CLEC2L: variants seen among roughly 807,000 people sequenced by gnomAD.
CLEC2L encodes C-type lectin domain family 2, member L.
CLEC2L carries 14 observed loss-of-function variants against 23.6 expected under a neutral mutation model. The observed-to-expected ratio is 0.59, with a 90% CI of 0.39 to 0.93. The LOEUF (loss-of-function observed/expected upper bound fraction) is 0.93. Among genes scored for constraint, CLEC2L ranks in the 40% least tolerant of loss-of-function variants. CLEC2L has a pLI of 0.00. For synonymous variants in CLEC2L, 114 were observed against 121.3 expected (o/e 0.94, Z 0.40); for missense variants, 264 against 282.4 (o/e 0.93, Z 0.47).
chr7:139,526,243 C>T (rs966405351), intron 1 of CLEC2L, among the ~76,000 whole-genome samples: 14 of 152,080 alleles, frequency 9.2e-5, no homozygotes, highest in African/African-American at 3.1e-4. Context: ...TGAGAGGAGA[C>T]AGAGGGAAAG....
At chr7:139,531,688 C>A (rs1358048495) in intron 1 of CLEC2L, among the ~76,000 whole-genome samples, 1 of 152,104 alleles carries the variant, frequency 6.6e-6, no homozygotes, top group Admixed American at 6.6e-5. Context: ...GCGGGTGGAT[C>A]ACCTGAGGTC....
intron 1 of CLEC2L, among the ~76,000 whole-genome samples, chr7:139,526,877 C>G (rs1026192463): frequency 6.6e-6 from 1 of 152,332 alleles, no homozygotes; most frequent in African/African-American, 2.4e-5. Context: ...ATTCTGCTTC[C>G]CACCCCAAAC....
At chr7:139,524,222 A>AGCGCTGGGAGCGCG in intron 1 of CLEC2L, 105 bp downstream of exon 1, 1 of 975,482 alleles carries the variant, frequency 1.0e-6, no homozygotes, top group Non-Finnish European at 1.2e-6. Context: ...CCCGGAGGGG[A>AGCGCTGGGAGCGCG]GCGCTGGGAG....
chr7:139,535,714 GGAAGT>G (rs1797643887), intron 1 of CLEC2L, among the ~76,000 whole-genome samples: 1 of 151,906 alleles, frequency 6.6e-6, no homozygotes, highest in East Asian at 1.9e-4. Context: ...GTGAATTTTA[GGAAGT>G]ATCTGTGGAG....
chr7:139,524,619 C>T (rs1797480309), intron 1 of CLEC2L, among the ~76,000 whole-genome samples: 1 of 152,156 alleles, frequency 6.6e-6, no homozygotes, highest in Admixed American at 6.5e-5. Flanking sequence ...AGGAGAGGCT[C>T]TTCCTTGCAA....
At chr7:139,542,000 G>T (rs768689116) in intron 3 of CLEC2L, 21 bp from the exon 4 acceptor site, 1 of 1,562,572 alleles carries the variant, frequency 6.4e-7, no homozygotes, top group Non-Finnish European at 8.8e-7. Context: ...ACCCTGAGGT[G>T]TCCCTTTTTC....
At chr7:139,525,682 T>C (rs1008995981) in intron 1 of CLEC2L, among the ~76,000 whole-genome samples, 1 of 152,220 alleles carries the variant, frequency 6.6e-6, no homozygotes, top group Non-Finnish European at 1.5e-5. Context: ...CGTCAGCATT[T>C]CTGAAGGGTC....
chr7:139,533,095 CTAAGTATA>C (rs1248581245), intron 1 of CLEC2L, among the ~76,000 whole-genome samples: 1 of 152,060 alleles, frequency 6.6e-6, no homozygotes, highest in Non-Finnish European at 1.5e-5. Context: ...TTATGCTGAG[CTAAGTATA>C]TAACACCAAA....
chr7:139,534,357 G>A (rs879079115), intron 1 of CLEC2L: 5 of 1,046,064 alleles, frequency 4.8e-6, no homozygotes, highest in Middle Eastern at 4.1e-4. Flanking sequence ...ATGAAGACAT[G>A]TGAAAAGAAT....
At position 139,524,040 on chromosome 7, in the gene CLEC2L, C is replaced by A. The variant is rs111447865; in HGVS notation, c.113C>A (p.Ala38Asp). ...PRPRSPAEAE[A>D]RGPEGLLRRS... Reference sequence around the variant, plus strand: ...CCGCGTTCGCCCGCAGAGGCTGAGGCCCGCGGCCCCGAGGGGCTGCTGCGG... The same window carrying A: ...CCGCGTTCGCCCGCAGAGGCTGAGGACCGCGGCCCCGAGGGGCTGCTGCGG... The change falls in exon 1 of 5, where the codon GCC becomes GAC. Residue 38 changes from alanine (A) to aspartate (D), a missense_variant. By Grantham distance (126) the Ala-to-Asp change is moderately radical. Coordinates refer to ENST00000422142, the MANE Select transcript of CLEC2L (RefSeq NM_001080511.4). The A allele has an allele frequency of 3.6e-3, 4,349 of 1,200,016 alleles. 112 individuals are homozygous for A. The African/African-American group carries it at 0.055, about 15-fold the overall frequency. 74.3% of individuals were successfully genotyped at this position (1,200,016 alleles called of 1,614,324 possible). A position where few individuals can be genotyped will look rare whatever the true frequency, so the allele number is the denominator to read the frequency against.
chr7:139,534,246 T>G, intron 1 of CLEC2L: 1 of 1,150,756 alleles, frequency 8.7e-7, no homozygotes. Context: ...GCGCGATGTC[T>G]CACACCATTT....
chr7:139,540,292 G>GGGGC lies in CLEC2L; in HGVS notation c.266-29_266-28insGGGC. 2.2e-6 allele frequency: 2 copies of GGGGC among 928,804 alleles called. No homozygotes were observed. Among genetic ancestry groups the GGGGC allele is most frequent in the South Asian group, 1.3e-5 (1 of 75,068 alleles). The allele number at this position is 928,804 out of a possible 1,614,324, so 57.5% of individuals were successfully genotyped here. ...AGTGGGACTCGGGCTGGGGGGGCGG[G>GGGGC]CAGGGCCGAGCTGGTCTCTTCCCTG... On this transcript the variant is annotated intron_variant, in intron 2 of 4. Coordinates refer to ENST00000422142, the MANE Select transcript of CLEC2L (RefSeq NM_001080511.4). This position sits in a 1 kb window ranked among gnomAD's most constrained non-coding sequence, Gnocchi z 5.8.
intron 2 of CLEC2L, among the ~76,000 whole-genome samples, chr7:139,536,791 A>G (rs563300895): frequency 2.0e-5 from 3 of 151,966 alleles, no homozygotes; most frequent in Non-Finnish European, 2.9e-5. Context: ...CCTGGCCAAC[A>G]TGGTGAAACC....
chr7:139,528,722 T>G (rs146191133), intron 1 of CLEC2L, among the ~76,000 whole-genome samples: 1 of 152,058 alleles, frequency 6.6e-6, no homozygotes, highest in Admixed American at 6.6e-5. Context: ...GAGAATACCA[T>G]GTGATGATAA....
At chr7:139,536,400 A>G in intron 2 of CLEC2L, 52 bp downstream of exon 2, 1 of 1,449,278 alleles carries the variant, frequency 6.9e-7, no homozygotes, top group South Asian at 1.2e-5. Context: ...ATTCCTTGTT[A>G]AAAGCACGTC....
intron 1 of CLEC2L, among the ~76,000 whole-genome samples, chr7:139,526,208 C>T (rs893705627): frequency 6.6e-6 from 1 of 152,100 alleles, no homozygotes; most frequent in Middle Eastern, 3.2e-3. Flanking sequence ...CTCCTCTCTT[C>T]TGAGAGGAGC....
intron 1 of CLEC2L, among the ~76,000 whole-genome samples, chr7:139,529,370 G>A (rs1037503743): frequency 6.6e-6 from 1 of 152,188 alleles, no homozygotes; most frequent in African/African-American, 2.4e-5. Context: ...CTAGAAAATG[G>A]CAGAGCTAAG....
intron 1 of CLEC2L, among the ~76,000 whole-genome samples, chr7:139,524,885 C>G (rs1797484249): frequency 6.6e-6 from 1 of 152,114 alleles, no homozygotes; most frequent in Non-Finnish European, 1.5e-5. Flanking sequence ...GCAGCATTAA[C>G]TAGGGAAGCC....
At chr7:139,536,976 C>CAAAA (rs1159255018) in intron 2 of CLEC2L, among the ~76,000 whole-genome samples, 6 of 37,280 alleles carry the variant, frequency 1.6e-4, no homozygotes, top group African/African-American at 3.3e-4. Flanking sequence ...GACTCCATCT[C>CAAAA]AAAAAAAAAA....
Sources: allele counts gnomAD v4.1 joint callset (sites outside exome capture counted in the v4.1 genomes callset), GRCh38; gene constraint gnomAD v4.1.1; non-coding constraint Gnocchi (gnomAD v3.1); transcripts MANE v1.5; gene names NCBI Gene and HGNC (gene_info 2026-07-23, HGNC 2026-07-21).